The following SHTN1 variants were observed in gnomAD, a reference collection of about 807,000 sequenced individuals.
The protein encoded by SHTN1 is shootin-1.
A neutral mutation model predicts 83.1 loss-of-function variants in SHTN1; 42 were observed. The observed-to-expected ratio is 0.51, with a 90% CI of 0.39 to 0.65. SHTN1 has a LOEUF of 0.65. Ranked by LOEUF, SHTN1 falls within the 30% of genes least tolerant of loss-of-function variation. The pLI is 0.00. For synonymous variants in SHTN1, 224 were observed against 247.7 expected (o/e 0.90, Z 0.90); for missense variants, 622 against 737.8 (o/e 0.84, Z 1.82).
intron 1 of SHTN1, among the ~76,000 whole-genome samples, chr10:117,100,726 T>C (rs539237943): frequency 6.6e-6 from 1 of 152,148 alleles, no homozygotes; most frequent in African/African-American, 2.4e-5. Flanking sequence ...AGGCATTTCT[T>C]CCAGGTTATG....
intron 2 of SHTN1, among the ~76,000 whole-genome samples, chr10:117,017,695 C>T (rs1852200636): frequency 6.6e-6 from 1 of 152,018 alleles, no homozygotes; most frequent in Non-Finnish European, 1.5e-5. Flanking sequence ...CTCCCCTTTC[C>T]TTGAGTGTAG....
chr10:117,109,480 G>A (rs1853728674), intron 1 of SHTN1, among the ~76,000 whole-genome samples: 2 of 150,308 alleles, frequency 1.3e-5, no homozygotes, highest in Admixed American at 6.7e-5. Context: ...TCTGAGTTGG[G>A]AGATTGTTAG....
intron 1 of SHTN1, among the ~76,000 whole-genome samples, chr10:117,077,627 G>A (rs954866135): frequency 2.4e-4 from 36 of 151,516 alleles, no homozygotes; most frequent in South Asian, 4.2e-4. Flanking sequence ...ATCTCTCCCC[G>A]CTCCCCCCAC....
intron 3 of SHTN1, among the ~76,000 whole-genome samples, chr10:116,962,859 T>A (rs1564901049): frequency 6.6e-6 from 1 of 151,980 alleles, no homozygotes; most frequent in Non-Finnish European, 1.5e-5. Context: ...GCTAAACTGG[T>A]AGCATAACAA....
intron 2 of SHTN1, among the ~76,000 whole-genome samples, chr10:117,042,137 T>G (rs571989320): frequency 6.6e-6 from 1 of 152,344 alleles, no homozygotes; most frequent in African/African-American, 2.4e-5. Flanking sequence ...TCTGCCATTT[T>G]TCCTTTGATA....
intron 1 of SHTN1, among the ~76,000 whole-genome samples, chr10:117,115,879 C>A (rs1378366488): frequency 6.6e-6 from 1 of 152,128 alleles, no homozygotes; most frequent in Non-Finnish European, 1.5e-5. Flanking sequence ...GTCTGAAAGT[C>A]TAGGAGTACA....
chr10:116,999,546 T>C (rs949664984), intron 1 of SHTN1, among the ~76,000 whole-genome samples: 3 of 152,228 alleles, frequency 2.0e-5, no homozygotes, highest in Non-Finnish European at 2.9e-5. Flanking sequence ...ATGGGTCAGA[T>C]AGAATAGTTA....
intron 1 of SHTN1, among the ~76,000 whole-genome samples, chr10:117,121,945 T>C (rs1853934357): frequency 6.6e-6 from 1 of 152,002 alleles, no homozygotes; most frequent in South Asian, 2.1e-4. Flanking sequence ...GGCAGGAGAA[T>C]GGCGTGAACC....
intron 7 of SHTN1, among the ~76,000 whole-genome samples, chr10:116,946,535 TTATATATAAATATATAAAATGATTTATA>T (rs1849591721): frequency 2.2e-5 from 3 of 133,918 alleles, no homozygotes; most frequent in Non-Finnish European, 4.7e-5. Context: ...ATAAAATGAT[TTATATATAAATATATAAAATGATTTATA>T]TATAAATATA....
intron 1 of SHTN1, among the ~76,000 whole-genome samples, chr10:116,998,358 G>T (rs1439583419): frequency 6.6e-6 from 1 of 152,072 alleles, no homozygotes; most frequent in Non-Finnish European, 1.5e-5. Flanking sequence ...ACTCTTCAGG[G>T]TTTCAGTTAC....
chr10:117,115,545 G>A (rs1853833422), intron 1 of SHTN1, among the ~76,000 whole-genome samples: 2 of 152,160 alleles, frequency 1.3e-5, no homozygotes, highest in East Asian at 1.9e-4. Flanking sequence ...CTGTGAGGCT[G>A]CTCTAGTGAT....
chr10:117,009,101 GC>G (rs1852063861), upstream of SHTN1, among the ~76,000 whole-genome samples: 1 of 151,972 alleles, frequency 6.6e-6, no homozygotes, highest in African/African-American at 2.4e-5. Flanking sequence ...GGCAACAAGA[GC>G]AAAATTCTGT....
intron 15 of SHTN1, among the ~76,000 whole-genome samples, chr10:116,902,191 C>T (rs374535859): frequency 1.0e-3 from 153 of 152,322 alleles, no homozygotes; most frequent in Middle Eastern, 3.4e-3. Flanking sequence ...TAAGAAACCA[C>T]AAAATCCCAG....
chr10:116,906,235 GA>G (rs1271620962), intron 15 of SHTN1, among the ~76,000 whole-genome samples: 6 of 152,228 alleles, frequency 3.9e-5, no homozygotes, highest in Admixed American at 3.9e-4. Context: ...GAGGCACAAA[GA>G]GGTTCAGTAA....
intron 2 of SHTN1, among the ~76,000 whole-genome samples, chr10:117,011,443 C>A (rs1220558676): frequency 1.3e-5 from 2 of 152,104 alleles, no homozygotes; most frequent in Non-Finnish European, 2.9e-5. Context: ...CTATTTTATT[C>A]TATTAGTCAA....
chr10:116,886,451 C>T lies in SHTN1; in HGVS notation c.1789G>A (p.Ala597Thr). 1 of 1,613,132 alleles carries T rather than the reference C, an allele frequency of 6.2e-7. No homozygotes were observed. The highest frequency in any genetic ancestry group is 8.5e-7 in the Non-Finnish European group (1 of 1,179,440). ...THEPQTKDQV[A>T]EKDPTQHKED... ...TTGTGTTGAGTTGGATCTTTTTCAG[C>T]AACCTGGTCTTTGGTTTGGGGTTCA... is the stretch of plus-strand genomic sequence containing the variant. The change falls in exon 17 of 17, where the codon GCT becomes ACT. Residue 597 changes from alanine to threonine, a missense_variant. Ala to Thr is a moderately conservative substitution (Grantham distance 58). This residue lies in a region of SHTN1 where 231 missense variants were observed against 251.6 expected (regional missense o/e 0.92). Coordinates refer to ENST00000355371, the MANE Select transcript of SHTN1 (RefSeq NM_001127211.3).
chr10:117,033,537 A>G (rs1016861818), intron 2 of SHTN1, among the ~76,000 whole-genome samples: 29 of 152,306 alleles, frequency 1.9e-4, no homozygotes, highest in African/African-American at 6.7e-4. Context: ...AAGCTATAAT[A>G]AAAGGTCTCC....
chr10:116,901,716 C>A, intron 16 of SHTN1, 49 bp downstream of exon 16: 1 of 1,456,462 alleles, frequency 6.9e-7, no homozygotes, highest in Non-Finnish European at 9.0e-7. Context: ...ACAAGTTAGT[C>A]ATTACAGATT....
chr10:117,050,523 A>G (rs1852725291), intron 1 of SHTN1, among the ~76,000 whole-genome samples: 1 of 152,212 alleles, frequency 6.6e-6, no homozygotes, highest in South Asian at 2.1e-4. Context: ...GTACACCTTA[A>G]TTAGCAAGAA....
Sources: allele counts gnomAD v4.1 joint callset (sites outside exome capture counted in the v4.1 genomes callset), GRCh38; gene constraint gnomAD v4.1.1; regional missense constraint gnomAD v4.1.1; transcripts MANE v1.5; gene names NCBI Gene and HGNC (gene_info 2026-07-23, HGNC 2026-07-21).